The following SHTN1 variants were observed in gnomAD, a reference collection of about 807,000 sequenced individuals.
SHTN1 encodes the protein shootin-1.
A neutral mutation model predicts 83.1 loss-of-function variants in SHTN1; 42 were observed. That is an observed-to-expected ratio of 0.51 (90% confidence interval 0.39 to 0.65). The LOEUF (loss-of-function observed/expected upper bound fraction) is 0.65, where lower values mean the gene tolerates loss of function less well. SHTN1 is among the 30% of genes least tolerant of loss of function. The probability of loss-of-function intolerance (pLI) is 0.00; values close to 1 mark genes in which losing one functional copy is unlikely to be tolerated. For missense variants in SHTN1, 622 were observed against 737.8 expected (o/e 0.84, Z 1.82); for synonymous variants, 224 against 247.7 (o/e 0.90, Z 0.90).
intron 1 of SHTN1, among the ~76,000 whole-genome samples, chr10:117,078,267 G>A (rs1865954): frequency 6.6e-6 from 1 of 151,984 alleles, no homozygotes; most frequent in Non-Finnish European, 1.5e-5. Context: ...TCGAAGACAC[G>A]CTTCCCATCT....
Position 117,075,945 on chromosome 10 carries a change from G to C in SHTN1, c.-188-27435C>G, listed in dbSNP as rs546443665. Among the ~76,000 whole-genome samples the C allele has an allele frequency of 6.0e-4, 91 of 152,268 alleles. 2 individuals are homozygous for C. In the South Asian group the frequency reaches 0.018, roughly 30 times the overall value. On this transcript the variant is annotated intron_variant, in intron 1 of 17. Transcript: ENST00000392901. ...CGCCTGTAATCCTAGCACTTTGGGAGGCCAAGGTGAGCAGACCACTTGAGT... is the reference window on the plus strand; with the variant it reads ...CGCCTGTAATCCTAGCACTTTGGGACGCCAAGGTGAGCAGACCACTTGAGT...
chr10:117,111,193 G>C (rs1853762808), intron 1 of SHTN1, among the ~76,000 whole-genome samples: 1 of 151,982 alleles, frequency 6.6e-6, no homozygotes. Context: ...GTGAGGCCCT[G>C]TCTCAAAAAA....
At chr10:116,915,667 T>C (rs77771747) in intron 12 of SHTN1, among the ~76,000 whole-genome samples, 183 bp from the exon 13 acceptor site, 2 of 152,270 alleles carry the variant, frequency 1.3e-5, no homozygotes, top group Non-Finnish European at 2.9e-5. Context: ...GAAAAAACTT[T>C]TAGAGAAAAA....
chr10:116,920,608 AT>A (rs966466040), intron 12 of SHTN1, among the ~76,000 whole-genome samples: 5 of 151,222 alleles, frequency 3.3e-5, no homozygotes, highest in East Asian at 3.9e-4. Flanking sequence ...AGCCAGGGTG[AT>A]TTTTTTTTAA....
In SHTN1 at chr10:116,935,346, T is replaced by C. The variant is rs575618505; in HGVS notation, c.858+5120A>G. 7.4e-4 allele frequency among the ~76,000 whole-genome samples: 112 copies of C among 152,292 alleles called. 2 individuals carry two copies. In the South Asian group the frequency reaches 0.022, roughly 30 times the overall value. On this transcript the variant is annotated intron_variant, in intron 9 of 16. Coordinates refer to ENST00000355371, the MANE Select transcript of SHTN1 (RefSeq NM_001127211.3). ...TATTTTGAGATAAGTTCCATCAATA[T>C]CTAGTTTACTAAGACTTTTTAGCAT... is the stretch of plus-strand genomic sequence containing the variant.
intron 1 of SHTN1, among the ~76,000 whole-genome samples, chr10:117,088,039 G>A (rs1853375210): frequency 6.6e-6 from 1 of 152,196 alleles, no homozygotes; most frequent in Admixed American, 6.5e-5. Flanking sequence ...AAAATAACAG[G>A]TCAAGTGTTA....
At chr10:117,070,262 TG>T (rs1288936318) in intron 1 of SHTN1, among the ~76,000 whole-genome samples, 1 of 152,138 alleles carries the variant, frequency 6.6e-6, no homozygotes, top group Non-Finnish European at 1.5e-5. Flanking sequence ...CTTATGTGTG[TG>T]TGTGTGGAGT....
chr10:116,953,929 T>G (rs1342023703), intron 5 of SHTN1, 113 bp downstream of exon 5: 1 of 910,468 alleles, frequency 1.1e-6, no homozygotes, highest in Non-Finnish European at 1.6e-6. Flanking sequence ...ACGCCCTGCC[T>G]AGGCATCAGT....
chr10:117,030,807 A>G (rs1378795428), intron 2 of SHTN1, among the ~76,000 whole-genome samples: 2 of 152,080 alleles, frequency 1.3e-5, no homozygotes, highest in East Asian at 1.9e-4. Context: ...AATACTTGGC[A>G]GAGGAGATAA....
intron 2 of SHTN1, among the ~76,000 whole-genome samples, chr10:117,024,601 G>A (rs991297995): frequency 2.4e-4 from 36 of 151,572 alleles, no homozygotes; most frequent in East Asian, 7.7e-4. Context: ...CTCGTGATCC[G>A]CCCGCCTCAG....
chr10:116,905,660 T>C (rs1468855250), intron 15 of SHTN1, among the ~76,000 whole-genome samples: 3 of 152,132 alleles, frequency 2.0e-5, no homozygotes, highest in South Asian at 4.1e-4. Flanking sequence ...CTACTTAAAT[T>C]TGGTCAATGT....
At chr10:117,119,997 G>A (rs1050637718) in intron 1 of SHTN1, among the ~76,000 whole-genome samples, 2 of 152,152 alleles carry the variant, frequency 1.3e-5, no homozygotes, top group Non-Finnish European at 2.9e-5. Flanking sequence ...AACTCATGGA[G>A]CTAGAGAGTA....
chr10:116,914,304 T>C (rs1428787383), intron 13 of SHTN1, among the ~76,000 whole-genome samples: 1 of 152,004 alleles, frequency 6.6e-6, no homozygotes, highest in East Asian at 1.9e-4. Flanking sequence ...AAACCCTGTC[T>C]TTACTAAAAA....
intron 1 of SHTN1, among the ~76,000 whole-genome samples, chr10:117,112,204 G>T (rs1230993599): frequency 6.6e-6 from 1 of 152,084 alleles, no homozygotes; most frequent in African/African-American, 2.4e-5. Flanking sequence ...GGGCTCAAGA[G>T]ATCCGCCCGC....
In SHTN1 at chr10:116,884,587, T is replaced by G. The variant is rs1589770736; in HGVS notation, c.*1757A>C. 9.3e-6 allele frequency: 2 copies of G among 214,106 alleles called. No homozygotes were observed. Among genetic ancestry groups the G allele is most frequent in the East Asian group, 2.5e-4 (2 of 7,908 alleles). The allele number at this position is 214,106 out of a possible 1,614,324, so 13.3% of individuals were successfully genotyped here. ...AAAGACAGTGTACATATTTTTATATTCCTAAATGTGTGTGAGTTGCATGCT... is the reference window on the plus strand; with the variant it reads ...AAAGACAGTGTACATATTTTTATATGCCTAAATGTGTGTGAGTTGCATGCT... On this transcript the variant is annotated 3_prime_UTR_variant, in exon 17 of 17. Coordinates refer to ENST00000355371, the MANE Select transcript of SHTN1 (RefSeq NM_001127211.3).
At chr10:117,090,556 A>G (rs1478007760) in intron 1 of SHTN1, among the ~76,000 whole-genome samples, 1 of 152,198 alleles carries the variant, frequency 6.6e-6, no homozygotes, top group Non-Finnish European at 1.5e-5. Flanking sequence ...ATTTTATGCT[A>G]TATGTATTTT....
At chr10:117,051,708 A>G (rs1589912152) in intron 1 of SHTN1, among the ~76,000 whole-genome samples, 1 of 151,030 alleles carries the variant, frequency 6.6e-6, no homozygotes, top group East Asian at 2.0e-4. Context: ...AAAACCCAAC[A>G]CCCTTTCATG....
intron 1 of SHTN1, among the ~76,000 whole-genome samples, chr10:117,062,877 A>C (rs1447739117): frequency 1.3e-5 from 2 of 152,018 alleles, no homozygotes; most frequent in Admixed American, 1.3e-4. Context: ...GGCATAGGTA[A>C]TTACTTAGAA....
chr10:116,896,036 T>A (rs1463265693), intron 16 of SHTN1, among the ~76,000 whole-genome samples: 1 of 152,176 alleles, frequency 6.6e-6, no homozygotes, highest in Non-Finnish European at 1.5e-5. Flanking sequence ...AACATATACA[T>A]CCTGCCTACT....
Sources: gnomAD v4.1 joint callset for allele counts (sites outside exome capture counted in the v4.1 genomes callset) on GRCh38, gnomAD v4.1.1 for gene constraint, MANE v1.5 for transcripts, NCBI Gene and HGNC (gene_info 2026-07-23, HGNC 2026-07-21) for gene names.